The following ESR1 variants were observed in gnomAD, a reference collection of about 807,000 sequenced individuals.
ESR1 encodes estrogen receptor.
Under a neutral mutation model 52.7 loss-of-function variants are expected in ESR1, and 12 were observed. The ratio of observed to expected loss-of-function variants is 0.23; its 90% confidence interval spans 0.15 to 0.37. The LOEUF (loss-of-function observed/expected upper bound fraction) is 0.37. Ranked by LOEUF, ESR1 falls within the 10% of genes least tolerant of loss-of-function variation. The pLI, the probability that ESR1 is intolerant of heterozygous loss-of-function variation, is 1.00. For synonymous variants in ESR1, 305 were observed against 316.8 expected, an observed-to-expected ratio of 0.96 and a Z score of 0.39; for missense variants, 584 against 779.7, an observed-to-expected ratio of 0.75 and a Z score of 2.99.
At chr6:151,937,844 C>G (rs549828849) in intron 3 of ESR1, among the ~76,000 whole-genome samples, 1 of 152,098 alleles carries the variant, frequency 6.6e-6, no homozygotes, top group Non-Finnish European at 1.5e-5. Flanking sequence ...CTGTGCTGCC[C>G]GTGGTATGAC....
intron 4 of ESR1, among the ~76,000 whole-genome samples, chr6:151,960,517 C>G (rs1434367590): frequency 1.3e-5 from 2 of 152,094 alleles, no homozygotes; most frequent in Non-Finnish European, 2.9e-5. Context: ...AGTGCAGAGT[C>G]CTGACAGCAA....
chr6:152,109,864 G>A (rs2152513307), intron 6 of ESR1, among the ~76,000 whole-genome samples: 1 of 152,284 alleles, frequency 6.6e-6, no homozygotes, highest in South Asian at 2.1e-4. Flanking sequence ...TCCTGCAACG[G>A]GAGACACCTC....
chr6:151,932,650 C>G (rs1418148715), intron 3 of ESR1, among the ~76,000 whole-genome samples: 2 of 147,034 alleles, frequency 1.4e-5, no homozygotes, highest in African/African-American at 2.5e-5. Flanking sequence ...AGGAAGGGAT[C>G]CAGTTTCAGC....
At chr6:151,903,273 A>G (rs2128413000) in intron 3 of ESR1, among the ~76,000 whole-genome samples, 1 of 152,242 alleles carries the variant, frequency 6.6e-6, no homozygotes, top group South Asian at 2.1e-4. Context: ...CTCTGTGTCT[A>G]ATCAGAAAGT....
intron 4 of ESR1, among the ~76,000 whole-genome samples, chr6:152,008,344 T>C (rs944229401): frequency 6.6e-6 from 1 of 152,100 alleles, no homozygotes; most frequent in African/African-American, 2.4e-5. Context: ...AAATAGACTC[T>C]TTTTGAGAGG....
At chr6:151,796,115 G>A (rs1776678911) in intron 2 of ESR1, among the ~76,000 whole-genome samples, 1 of 150,698 alleles carries the variant, frequency 6.6e-6, no homozygotes, top group Admixed American at 6.6e-5. Flanking sequence ...GCAGTGAGCC[G>A]AGATTGGGCC....
chr6:151,806,062 T>C (rs774214086), upstream of ESR1, among the ~76,000 whole-genome samples: 3 of 152,166 alleles, frequency 2.0e-5, no homozygotes, highest in Non-Finnish European at 4.4e-5. Flanking sequence ...TAAAAAGGCA[T>C]TTGAAAATTG....
At chr6:151,764,277 T>A (rs1347963947) in intron 2 of ESR1, among the ~76,000 whole-genome samples, 3 of 152,042 alleles carry the variant, frequency 2.0e-5, no homozygotes, top group African/African-American at 7.2e-5. Context: ...TATTTATTTA[T>A]TTTTTTTCTG....
intron 5 of ESR1, among the ~76,000 whole-genome samples, chr6:152,043,180 G>A (rs1169712638): frequency 6.6e-6 from 1 of 152,102 alleles, no homozygotes; most frequent in African/African-American, 2.4e-5. Flanking sequence ...ATTAAACCAA[G>A]GGAGATCAGG....
At chr6:151,884,523 C>T (rs1437090984) in intron 3 of ESR1, among the ~76,000 whole-genome samples, 1 of 152,152 alleles carries the variant, frequency 6.6e-6, no homozygotes, top group Non-Finnish European at 1.5e-5. Context: ...AAAAGAGAAC[C>T]ACAGACCTAC....
At chr6:152,096,771 G>A in intron 7 of ESR1, 1 of 435,248 alleles carries the variant, frequency 2.3e-6, no homozygotes, top group Non-Finnish European at 4.7e-6. Context: ...CTTTTGATGA[G>A]TATTATAGAG....
intron 1 of ESR1, among the ~76,000 whole-genome samples, chr6:151,839,922 C>T (rs181578957): frequency 1.3e-5 from 2 of 152,176 alleles, no homozygotes; most frequent in African/African-American, 4.8e-5. Context: ...AATTGATGAA[C>T]ACTTAAGCGT....
chr6:151,836,941 G>A (rs1050043041), intron 1 of ESR1, among the ~76,000 whole-genome samples: 6 of 152,074 alleles, frequency 3.9e-5, no homozygotes, highest in African/African-American at 1.4e-4. Context: ...TAATGCTTTT[G>A]GATAGCTGGT....
intron 4 of ESR1, among the ~76,000 whole-genome samples, chr6:151,951,576 G>C (rs556145758): frequency 2.0e-5 from 3 of 152,266 alleles, no homozygotes; most frequent in African/African-American, 7.2e-5. Flanking sequence ...TGAGACTTGA[G>C]ACATTCAAAT....
Position 152,098,681 on chromosome 6 carries a change from G to T in ESR1, c.1554-51G>T, listed in dbSNP as rs2152505769. 11 of 1,472,376 alleles carry T rather than the reference G, an allele frequency of 7.5e-6. No homozygotes were observed. Among genetic ancestry groups the T allele is most frequent in the Non-Finnish European group, 1.0e-5 (11 of 1,057,708 alleles). The allele number at this position is 1,472,376 out of a possible 1,614,324, so 91.2% of individuals were successfully genotyped here. On this transcript the variant is annotated intron_variant, in intron 7 of 7. Coordinates refer to ENST00000206249, the MANE Select transcript of ESR1 (RefSeq NM_000125.4). This position sits in a 1 kb window ranked among gnomAD's most constrained non-coding sequence, Gnocchi z 5.1. ...CCCTTCTAGGGATTTCAGCACTCCT[G>T]GGGCTCGGGTTGGCTCTAAAGTAGT... is the stretch of plus-strand genomic sequence containing the variant.
At chr6:151,756,872 C>A (rs919655717) in intron 2 of ESR1, among the ~76,000 whole-genome samples, 17 of 152,236 alleles carry the variant, frequency 1.1e-4, no homozygotes, top group Non-Finnish European at 1.6e-4. Flanking sequence ...TGCCTGTAAT[C>A]CCAGCTACTC....
chr6:151,728,211 G>A (rs1781985862), intron 2 of ESR1, among the ~76,000 whole-genome samples: 1 of 152,130 alleles, frequency 6.6e-6, no homozygotes, highest in South Asian at 2.1e-4. Flanking sequence ...GGAGGATGAT[G>A]TTCTATTTAC....
chr6:151,977,831 A>G (rs2039589328), intron 4 of ESR1, among the ~76,000 whole-genome samples: 1 of 151,758 alleles, frequency 6.6e-6, no homozygotes, highest in Admixed American at 6.6e-5. Context: ...ACTGCAGGGG[A>G]CTGGGAAGAG....
intron 6 of ESR1, among the ~76,000 whole-genome samples, chr6:152,070,343 A>T (rs1011426783): frequency 7.3e-6 from 1 of 137,484 alleles, no homozygotes; most frequent in Non-Finnish European, 1.5e-5. Context: ...ACTAAACTAT[A>T]GTCTAAAAGA....
Sources: gnomAD v4.1 joint callset for allele counts (sites outside exome capture counted in the v4.1 genomes callset) on GRCh38, gnomAD v4.1.1 for gene constraint, Gnocchi (gnomAD v3.1) non-coding constraint, MANE v1.5 for transcripts, NCBI Gene and HGNC (gene_info 2026-07-23, HGNC 2026-07-21) for gene names.